The following HLA-DMB variants were observed in gnomAD, a reference collection of about 807,000 sequenced individuals.
The protein encoded by HLA-DMB is major histocompatibility complex, class II, DM beta, also known as HLA class II histocompatibility antigen, DM beta chain.
Under a neutral mutation model 29.3 loss-of-function variants are expected in HLA-DMB, and 18 were observed. The observed-to-expected ratio is 0.62, with a 90% CI of 0.43 to 0.91. HLA-DMB has a LOEUF of 0.91. HLA-DMB is among the 40% of genes least tolerant of loss of function. HLA-DMB has a pLI of 0.00. For missense variants in HLA-DMB, 258 were observed against 320.9 expected, an observed-to-expected ratio of 0.80 and a Z score of 1.50; for synonymous variants, 143 against 128.7, an observed-to-expected ratio of 1.11 and a Z score of -0.75.
In HLA-DMB at chr6:32,937,245, G is replaced by T; in HGVS notation, c.549C>A (p.Thr183=). ...AGGTGTAAGTGTCCCCGTAAGAGGGGGTTAAGGCTAAATGGGAGAGGGTCT... is the reference window on the plus strand; with the variant it reads ...AGGTGTAAGTGTCCCCGTAAGAGGGTGTTAAGGCTAAATGGGAGAGGGTCT... The part of the protein sequence containing the change: ...TYQTLSHLAL[T]PSYGDTYTCV... Residue 183 remains threonine, a synonymous_variant, in exon 3 of 6, where the codon ACC becomes ACA. Transcript: ENST00000418107. The surrounding 1 kb of genome is among the most constrained non-coding windows in gnomAD (Gnocchi z 4.1). 6.2e-7 allele frequency: 1 copy of T among 1,614,124 alleles called. No individual in the cohort carries two copies. The highest frequency in any genetic ancestry group is 8.5e-7 in the Non-Finnish European group (1 of 1,179,974).
intron 3 of HLA-DMB, 27 bp from the exon 4 acceptor site, chr6:32,935,679 C>G (rs1416043650): frequency 6.5e-7 from 1 of 1,549,514 alleles, no homozygotes; most frequent in Admixed American, 1.7e-5. Flanking sequence ...CTTACTTGAC[C>G]CAGTTTCTGT....
rs567858022 is a variant in HLA-DMB, at chr6:32,935,358, C to A, written c.759G>T (p.Gly253=). 6.2e-7 allele frequency: 1 copy of A among 1,611,220 alleles called. No homozygotes were observed. Among genetic ancestry groups the A allele is most frequent in the South Asian group, 1.1e-5 (1 of 91,042 alleles). The change falls in exon 5 of 6, where the codon GGG becomes GGT. Residue 253 remains glycine, a synonymous_variant. Transcript: ENST00000418107. ...AGHSSYTPLP[G]SNYSEGWHIS is the part of the protein sequence containing the mutation. ...AGATGTTACCTTCTGAATAATTGGA[C>A]CCAGGAAGAGGAGTGTAACCTAAGA...
chr6:32,938,663 T>C, intron 2 of HLA-DMB, 21 bp downstream of exon 2: 1 of 1,466,196 alleles, frequency 6.8e-7, no homozygotes, highest in Non-Finnish European at 9.1e-7. Flanking sequence ...TGGTAGCCCC[T>C]CTGCACCCCT....
Position 32,937,245 on chromosome 6 carries a change from G to C in HLA-DMB, c.549C>G (p.Thr183=). 1 of 1,614,124 alleles carries C rather than the reference G, an allele frequency of 6.2e-7. No homozygotes were observed. The highest frequency in any genetic ancestry group is 8.5e-7 in the Non-Finnish European group (1 of 1,179,974). The change falls in exon 3 of 6, where the codon ACC becomes ACG. Residue 183 remains threonine (T), a synonymous_variant. Transcript: ENST00000418107. This position sits in a 1 kb window ranked among gnomAD's most constrained non-coding sequence, Gnocchi z 4.1. ...AGGTGTAAGTGTCCCCGTAAGAGGGGGTTAAGGCTAAATGGGAGAGGGTCT... is the reference window on the plus strand; with the variant it reads ...AGGTGTAAGTGTCCCCGTAAGAGGGCGTTAAGGCTAAATGGGAGAGGGTCT... ...TYQTLSHLAL[T]PSYGDTYTCV...
intron 1 of HLA-DMB, among the ~76,000 whole-genome samples, chr6:32,939,982 T>C (rs1369561007): frequency 6.6e-6 from 1 of 150,610 alleles, no homozygotes; most frequent in African/African-American, 2.5e-5. Flanking sequence ...CTCTAGTTAA[T>C]GTCACAATGG....
chr6:32,937,705 TA>T lies in HLA-DMB; in HGVS notation c.338-250del. 1.8e-6 allele frequency: 1 copy of T among 551,458 alleles called. No individual in the cohort carries two copies. The highest frequency in any genetic ancestry group is 3.2e-6 in the Non-Finnish European group (1 of 311,772). The allele number at this position is 551,458 out of a possible 1,614,324, so 34.2% of individuals were successfully genotyped here. On this transcript the variant is annotated intron_variant, in intron 2 of 5. Transcript: ENST00000418107. The surrounding 1 kb of genome is among the most constrained non-coding windows in gnomAD (Gnocchi z 4.1). ...CAGAATTATGTTTGATTACAATTAG[TA>T]AAAGCCAGATCTGAACTGCAAGCTG...
intron 1 of HLA-DMB, among the ~76,000 whole-genome samples, chr6:32,940,194 C>G (rs1276157211): frequency 6.6e-6 from 1 of 152,132 alleles, no homozygotes; most frequent in Non-Finnish European, 1.5e-5. Context: ...GCTCAGGGAA[C>G]ATCTACTGAC....
chr6:32,934,742 C>T lies in HLA-DMB; in HGVS notation c.*229G>A. The T allele has an allele frequency of 1.7e-6, 1 of 588,850 alleles. No homozygotes were observed. The highest frequency in any genetic ancestry group is 3.0e-6 in the Non-Finnish European group (1 of 332,284). 36.5% of individuals were successfully genotyped at this position (588,850 alleles called of 1,614,324 possible). On this transcript the variant is annotated 3_prime_UTR_variant, in exon 6 of 6. Coordinates refer to ENST00000418107, the MANE Select transcript of HLA-DMB (RefSeq NM_002118.5). ...ACTCCCTTCCTCAGATTATATTCAT[C>T]CCAGAAATATAGCCTTGGACAATAA...
At chr6:32,940,027 A>C (rs1199441821) in intron 1 of HLA-DMB, among the ~76,000 whole-genome samples, 1 of 149,014 alleles carries the variant, frequency 6.7e-6, no homozygotes, top group Non-Finnish European at 1.5e-5. Flanking sequence ...AATATAGGAG[A>C]ATTGGTTGGT....
At chr6:32,938,389 TAAC>T in intron 2 of HLA-DMB, 1 of 357,922 alleles carries the variant, frequency 2.8e-6, no homozygotes, top group Non-Finnish European at 5.0e-6. Flanking sequence ...AAATCTGGGA[TAAC>T]AAGGCAAGAA....
chr6:32,936,904 A>G (rs754675688), intron 3 of HLA-DMB: 29 of 344,552 alleles, frequency 8.4e-5, no homozygotes, highest in Non-Finnish European at 1.3e-4. Flanking sequence ...CAGAGCAGCA[A>G]TAGCACAGAC....
intron 3 of HLA-DMB, chr6:32,935,871 A>C: frequency 1.7e-6 from 1 of 583,808 alleles, no homozygotes; most frequent in Non-Finnish European, 3.0e-6. Flanking sequence ...CCATCTCCCC[A>C]GAATTAGCAT....
At chr6:32,939,651 TAAATG>T (rs1177885572) in intron 1 of HLA-DMB, among the ~76,000 whole-genome samples, 6 of 152,202 alleles carry the variant, frequency 3.9e-5, no homozygotes, top group Non-Finnish European at 8.8e-5. Context: ...AAAGAAATGA[TAAATG>T]AGATGATGAT....
intron 1 of HLA-DMB, among the ~76,000 whole-genome samples, chr6:32,940,434 T>C (rs72860396): frequency 0.022 from 3,366 of 152,286 alleles, 55 homozygotes; most frequent in South Asian, 0.038. Context: ...CAGCCTTGTA[T>C]TGTGCTGGAA....
intron 1 of HLA-DMB, 44 bp downstream of exon 1, chr6:32,940,709 A>C: frequency 6.6e-7 from 1 of 1,514,466 alleles, no homozygotes. Flanking sequence ...TTACCCTGAA[A>C]CAGGAGCAGG....
At position 32,934,798 on chromosome 6, in the gene HLA-DMB, T is replaced by A. The variant is rs1455167927; in HGVS notation, c.*173A>T. The stretch of plus-strand genomic sequence containing the variant: ...TTACAGCATAGTCCCAGGAATGAGG[T>A]CCCCCAAGTTGCTAAGTTTTACATA... On this transcript the variant is annotated 3_prime_UTR_variant, in exon 6 of 6. Coordinates refer to ENST00000418107, the MANE Select transcript of HLA-DMB (RefSeq NM_002118.5). 6 of 650,570 alleles carry A rather than the reference T, an allele frequency of 9.2e-6. No homozygotes were observed. The highest frequency in any genetic ancestry group is 1.3e-5 in the Non-Finnish European group (5 of 370,444). 40.3% of individuals were successfully genotyped at this position (650,570 alleles called of 1,614,324 possible). A position where few individuals can be genotyped will look rare whatever the true frequency, so the allele number is the denominator to read the frequency against.
chr6:32,937,414 G>C lies in HLA-DMB; in HGVS notation c.380C>G (p.Thr127Arg). The change falls in exon 3 of 6, where the codon ACG becomes AGG. Residue 127 changes from threonine (T) to arginine (R), a missense_variant. Coordinates refer to ENST00000418107, the MANE Select transcript of HLA-DMB (RefSeq NM_002118.5). This position sits in a 1 kb window ranked among gnomAD's most constrained non-coding sequence, Gnocchi z 4.1. ...GCAGGCCAGCATCACAGGCTCCCTC[G>C]TGTTAAAAGGAGTGGTTTTGGCTAC... ...VQVAKTTPFN[T>R]REPVMLACYV... The C allele has an allele frequency of 2.5e-6, 4 of 1,614,126 alleles. No individual in the cohort carries two copies. Among genetic ancestry groups the C allele is most frequent in the Non-Finnish European group, 3.4e-6 (4 of 1,179,990 alleles).
intron 1 of HLA-DMB, among the ~76,000 whole-genome samples, chr6:32,939,357 C>T (rs563460464): frequency 1.3e-5 from 2 of 152,332 alleles, no homozygotes; most frequent in East Asian, 3.9e-4. Context: ...CCATAAAAAT[C>T]CCGGAACTAT....
Position 32,938,474 on chromosome 6 carries a change from C to T in HLA-DMB, c.337+210G>A, listed in dbSNP as rs561385476. ...CCCACATGGCACCTCGCGGTTCAAG[C>T]CTCACCTCCCCTTCTTTACTCCTGT... On this transcript the variant is annotated intron_variant, in intron 2 of 5. Transcript: ENST00000418107. 8.2e-4 allele frequency: 366 copies of T among 444,286 alleles called. 1 individual carries two copies. The highest frequency in any genetic ancestry group is 3.2e-3 in the Middle Eastern group (10 of 3,172). The allele number at this position is 444,286 out of a possible 1,614,324, so 27.5% of individuals were successfully genotyped here.
Sources: gnomAD v4.1 joint callset for allele counts (sites outside exome capture counted in the v4.1 genomes callset) on GRCh38, gnomAD v4.1.1 for gene constraint, Gnocchi (gnomAD v3.1) non-coding constraint, MANE v1.5 for transcripts, NCBI Gene and HGNC (gene_info 2026-07-23, HGNC 2026-07-21) for gene names.